The following NKAIN3 variants were observed in gnomAD, a reference collection of about 807,000 sequenced individuals.
NKAIN3 encodes sodium/potassium-transporting ATPase subunit beta-1-interacting protein 3.
NKAIN3 carries 25 observed loss-of-function variants against 30.2 expected under a neutral mutation model. The ratio of observed to expected loss-of-function variants is 0.83; its 90% confidence interval spans 0.60 to 1.16. The LOEUF is 1.16. Among genes scored for constraint, NKAIN3 ranks in the 50% most tolerant of loss-of-function variants. The pLI is 0.00. For missense variants in NKAIN3, 225 were observed against 254.1 expected, an observed-to-expected ratio of 0.89 and a Z score of 0.78; for synonymous variants, 91 against 89.6, an observed-to-expected ratio of 1.02 and a Z score of -0.09.
intron 1 of NKAIN3, among the ~76,000 whole-genome samples, chr8:62,298,334 A>T (rs535525352): frequency 6.6e-6 from 1 of 152,250 alleles, no homozygotes; most frequent in South Asian, 2.1e-4. Flanking sequence ...ATAATAAAAT[A>T]AAATAAAGGA....
At position 62,967,541 on chromosome 8, in the gene NKAIN3, C is replaced by T. The variant is rs1823740269; in HGVS notation, c.*2134C>T. Among the ~76,000 whole-genome samples, 1 of 152,132 alleles carries T rather than the reference C, an allele frequency of 6.6e-6. No individual in the cohort carries two copies. Among genetic ancestry groups the T allele is most frequent in the South Asian group, 2.1e-4 (1 of 4,830 alleles). ...AAGCGCTATGAAGAGCCCACAGAAA[C>T]AACAAACTCTGTTTTTTAAAAAGCA... On this transcript the variant is annotated 3_prime_UTR_variant, in exon 7 of 7. Coordinates refer to ENST00000623646, the MANE Select transcript of NKAIN3 (RefSeq NM_001304533.3).
intron 1 of NKAIN3, among the ~76,000 whole-genome samples, chr8:62,537,358 C>G (rs895854711): frequency 6.6e-6 from 1 of 152,044 alleles, no homozygotes; most frequent in African/African-American, 2.4e-5. Context: ...TAAAATATGC[C>G]TTTATTTAAA....
chr8:62,789,010 A>T (rs962651064), intron 4 of NKAIN3, among the ~76,000 whole-genome samples: 19 of 152,190 alleles, frequency 1.2e-4, no homozygotes, highest in African/African-American at 4.3e-4. Flanking sequence ...TGACTTGGCA[A>T]TGCGGGCTCT....
intron 4 of NKAIN3, among the ~76,000 whole-genome samples, chr8:62,841,442 AAACAGT>A (rs1819529074): frequency 6.6e-6 from 1 of 152,012 alleles, no homozygotes; most frequent in Non-Finnish European, 1.5e-5. Flanking sequence ...TGTATCCTTT[AAACAGT>A]AACTCCACAT....
intron 4 of NKAIN3, among the ~76,000 whole-genome samples, chr8:62,794,090 G>A (rs974818288): frequency 1.1e-4 from 16 of 152,280 alleles, no homozygotes; most frequent in Admixed American, 5.9e-4. Flanking sequence ...TATTAGAATA[G>A]GTGAGCTGCA....
intron 1 of NKAIN3, among the ~76,000 whole-genome samples, chr8:62,509,228 G>A (rs1040360307): frequency 6.6e-6 from 1 of 152,040 alleles, no homozygotes; most frequent in Non-Finnish European, 1.5e-5. Context: ...ATTGTCAGAA[G>A]CTGGGAAAGG....
chr8:62,567,699 G>C (rs1243791548), intron 1 of NKAIN3, among the ~76,000 whole-genome samples: 2 of 151,960 alleles, frequency 1.3e-5, no homozygotes, highest in African/African-American at 2.4e-5. Flanking sequence ...ACTTCTAGAA[G>C]CTGGAAAAGT....
chr8:62,406,626 T>C (rs1056667245), intron 1 of NKAIN3, among the ~76,000 whole-genome samples: 4 of 152,164 alleles, frequency 2.6e-5, no homozygotes, highest in Non-Finnish European at 4.4e-5. Flanking sequence ...TTTCAAAGCA[T>C]CATATTTATA....
At chr8:62,451,221 TTCTCTTTTC>T (rs1805628957) in intron 1 of NKAIN3, among the ~76,000 whole-genome samples, 1 of 151,826 alleles carries the variant, frequency 6.6e-6, no homozygotes, top group Non-Finnish European at 1.5e-5. Context: ...TTCTCTTCTC[TTCTCTTTTC>T]TCTTCTCTTC....
At chr8:62,856,510 T>A (rs997975693) in intron 4 of NKAIN3, 6 of 782,588 alleles carry the variant, frequency 7.7e-6, no homozygotes, top group Admixed American at 5.2e-5. Context: ...GATACCTGTA[T>A]CTCAGAGATC....
chr8:62,878,874 G>T (rs1465120326), intron 4 of NKAIN3, among the ~76,000 whole-genome samples: 1 of 152,122 alleles, frequency 6.6e-6, no homozygotes. Flanking sequence ...GTATTCCATG[G>T]TGTATATGTG....
At chr8:62,250,035 G>A (rs1214900047) in intron 1 of NKAIN3, among the ~76,000 whole-genome samples, 2 of 152,184 alleles carry the variant, frequency 1.3e-5, no homozygotes, top group African/African-American at 4.8e-5. Context: ...ACTTCAGACA[G>A]ATTCTGAGTG....
At chr8:62,279,492 T>G (rs183670089) in intron 1 of NKAIN3, among the ~76,000 whole-genome samples, 1 of 152,294 alleles carries the variant, frequency 6.6e-6, no homozygotes, top group Non-Finnish European at 1.5e-5. Context: ...TCTTCTAGGG[T>G]TTTTATGGTT....
chr8:62,340,827 G>A (rs894463226), intron 1 of NKAIN3, among the ~76,000 whole-genome samples: 4 of 151,960 alleles, frequency 2.6e-5, no homozygotes, highest in Non-Finnish European at 5.9e-5. Context: ...TGGTTTGCTC[G>A]GAGGCAAGGT....
chr8:62,999,599 T>C (rs915819212), exon 6 of NKAIN3: 1 of 152,256 alleles, frequency 6.6e-6, no homozygotes, highest in African/African-American at 2.4e-5. Context: ...TTTCATTTTG[T>C]TAATTGTTTC....
At chr8:62,765,246 CAAAAAAAAAAAA>C (rs34477671) in intron 4 of NKAIN3, among the ~76,000 whole-genome samples, 1 of 42,520 alleles carries the variant, frequency 2.4e-5, no homozygotes, top group African/African-American at 8.0e-5. Context: ...GACTCCATCT[CAAAAAAAAAAAA>C]AAAAAAAAGA....
chr8:62,874,287 G>T (rs571009179), intron 4 of NKAIN3, among the ~76,000 whole-genome samples: 1 of 152,106 alleles, frequency 6.6e-6, no homozygotes, highest in African/African-American at 2.4e-5. Context: ...CCAAGAGGAA[G>T]TTGAATCCCT....
chr8:62,374,856 CAT>C (rs1817026826), intron 1 of NKAIN3, among the ~76,000 whole-genome samples: 1 of 152,274 alleles, frequency 6.6e-6, no homozygotes, highest in East Asian at 1.9e-4. Flanking sequence ...ATCTTTTGAA[CAT>C]ATGTTACTGA....
chr8:62,419,256 G>A (rs1804556790), intron 1 of NKAIN3, among the ~76,000 whole-genome samples: 1 of 152,152 alleles, frequency 6.6e-6, no homozygotes, highest in Non-Finnish European at 1.5e-5. Context: ...GCATGTGGGT[G>A]ATTGGGTACC....
Sources: allele counts gnomAD v4.1 joint callset (sites outside exome capture counted in the v4.1 genomes callset), GRCh38; gene constraint gnomAD v4.1.1; transcripts MANE v1.5; gene names NCBI Gene and HGNC (gene_info 2026-07-23, HGNC 2026-07-21).